The following GRID2 variants were observed in gnomAD, a reference collection of about 807,000 sequenced individuals.
GRID2 encodes the protein glutamate ionotropic receptor delta type subunit 2.
Under a neutral mutation model 114.8 loss-of-function variants are expected in GRID2, and 33 were observed. The observed-to-expected ratio is 0.29, with a 90% CI of 0.22 to 0.38. GRID2 has a LOEUF of 0.38. GRID2 is among the 10% of genes least tolerant of loss of function. The pLI is 1.00. For synonymous variants in GRID2, 505 were observed against 449.9 expected (o/e 1.12, Z -1.55); for missense variants, 1,184 against 1,257.7 (o/e 0.94, Z 0.89).
rs142260637 is a variant in GRID2 at position 92,502,481 on chromosome 4, CAT to C, written c.89-87648_89-87647del. 3.6e-3 allele frequency among the ~76,000 whole-genome samples: 543 copies of C among 151,910 alleles called. 19 individuals are homozygous for C. In the East Asian group the frequency reaches 0.085, roughly 24 times the overall value. ...TTCAAGGTAGTTTGATTAAATATAACATAAATACATGCAACTACATGATACAT... is the reference window on the plus strand; with the variant it reads ...TTCAAGGTAGTTTGATTAAATATAACAAATACATGCAACTACATGATACAT... On this transcript the variant is annotated intron_variant, in intron 1 of 15. Coordinates refer to ENST00000282020, the MANE Select transcript of GRID2 (RefSeq NM_001510.4).
intron 1 of GRID2, among the ~76,000 whole-genome samples, chr4:92,467,749 GA>G (rs1417345321): frequency 2.6e-5 from 4 of 151,784 alleles, no homozygotes; most frequent in African/African-American, 9.7e-5. Flanking sequence ...ACATGTTATG[GA>G]AAAAAATAAT....
intron 2 of GRID2, among the ~76,000 whole-genome samples, chr4:92,995,165 C>T (rs1409369553): frequency 1.3e-5 from 2 of 152,112 alleles, no homozygotes; most frequent in African/African-American, 4.8e-5. Flanking sequence ...ACATTTCTTC[C>T]TTCTCAGTGT....
intron 13 of GRID2, among the ~76,000 whole-genome samples, chr4:93,607,980 T>C (rs1349341934): frequency 2.0e-5 from 3 of 151,580 alleles, no homozygotes; most frequent in Non-Finnish European, 1.5e-5. Flanking sequence ...GCTTTGTGAA[T>C]GGTGTTTTTT....
rs143652383 is a variant in GRID2, at chr4:92,856,918, C to T, written c.245-228077C>T. On this transcript the variant is annotated intron_variant, in intron 2 of 15. Transcript: ENST00000282020. ...TGTCAGTACGTTTTAACAATGAACA[C>T]GTGCTTACTTCATGTCTCTGTGTTA... Among the ~76,000 whole-genome samples the T allele has an allele frequency of 3.2e-3, 493 of 152,182 alleles. 9 individuals carry two copies. Among genetic ancestry groups the T allele is most frequent in the Non-Finnish European group, 5.1e-4 (35 of 68,004 alleles).
chr4:92,458,955 A>C (rs1721345432), intron 1 of GRID2, among the ~76,000 whole-genome samples: 1 of 152,194 alleles, frequency 6.6e-6, no homozygotes, highest in African/African-American at 2.4e-5. Context: ...ACAGGAGATG[A>C]ATGCAAGTTG....
In GRID2 at chr4:92,429,827, G is replaced by A. The variant is rs138530378; in HGVS notation, c.88+125083G>A. On this transcript the variant is annotated intron_variant, in intron 1 of 15. Transcript: ENST00000282020. ...GAGGGAGATGATAGATCATTGTAGTGTTGATTTGCATTTCCTTGATGATCA... is the reference window on the plus strand; with the variant it reads ...GAGGGAGATGATAGATCATTGTAGTATTGATTTGCATTTCCTTGATGATCA... 2.6e-3 allele frequency among the ~76,000 whole-genome samples: 403 copies of A among 152,182 alleles called. 4 individuals carry two copies. The highest frequency in any genetic ancestry group is 4.1e-3 in the Non-Finnish European group (277 of 67,960).
rs370314850 is a variant in GRID2, at chr4:92,467,717, G to A, written c.89-122414G>A. 4.2e-4 allele frequency among the ~76,000 whole-genome samples: 64 copies of A among 151,894 alleles called. No homozygotes were observed. In the East Asian group the frequency reaches 8.5e-3, roughly 20 times the overall value. ...CAAATTAAGGTGCTGTAACTTGAACGAACACTCAAATTAATGTGTACACAT... is the reference window on the plus strand; with the variant it reads ...CAAATTAAGGTGCTGTAACTTGAACAAACACTCAAATTAATGTGTACACAT... On this transcript the variant is annotated intron_variant, in intron 1 of 15. Coordinates refer to ENST00000282020, the MANE Select transcript of GRID2 (RefSeq NM_001510.4).
downstream of GRID2, among the ~76,000 whole-genome samples, chr4:93,779,119 T>C (rs756547356): frequency 2.8e-4 from 43 of 152,126 alleles, no homozygotes; most frequent in Admixed American, 1.3e-3. Context: ...CAATCACCAA[T>C]CATGAATATT....
At chr4:92,596,651 A>G (rs918208064) in intron 2 of GRID2, among the ~76,000 whole-genome samples, 1 of 152,008 alleles carries the variant, frequency 6.6e-6, no homozygotes, top group African/African-American at 2.4e-5. Context: ...GTATTAAAGG[A>G]CAAATAATTC....
At chr4:92,788,012 G>A (rs1739403446) in intron 2 of GRID2, among the ~76,000 whole-genome samples, 1 of 151,744 alleles carries the variant, frequency 6.6e-6, no homozygotes, top group Non-Finnish European at 1.5e-5. Context: ...CAATGTAAGA[G>A]TTAAATATAT....
chr4:92,596,878 A>G (rs140134912), intron 2 of GRID2, among the ~76,000 whole-genome samples: 114 of 152,190 alleles, frequency 7.5e-4, no homozygotes, highest in African/African-American at 2.4e-3. Flanking sequence ...TAACCAAAAA[A>G]CAAAAGAACA....
At chr4:92,658,714 C>T (rs62309215) in intron 2 of GRID2, among the ~76,000 whole-genome samples, 8,831 of 150,392 alleles carry the variant, frequency 0.059, 338 homozygotes, top group East Asian at 0.16. Flanking sequence ...AGAATGCTTA[C>T]TCATTTACAC....
At chr4:92,720,394 C>T (rs1392852774) in intron 2 of GRID2, among the ~76,000 whole-genome samples, 1 of 151,930 alleles carries the variant, frequency 6.6e-6, no homozygotes, top group Non-Finnish European at 1.5e-5. Flanking sequence ...CTATTTAAAA[C>T]ATTAAGAAAT....
chr4:92,556,712 T>C (rs913453917), intron 1 of GRID2, among the ~76,000 whole-genome samples: 8 of 152,142 alleles, frequency 5.3e-5, no homozygotes, highest in Admixed American at 5.2e-4. Flanking sequence ...TTCAAGTTTT[T>C]GACATCTGCT....
intron 1 of GRID2, among the ~76,000 whole-genome samples, chr4:92,515,152 T>G: frequency 6.6e-6 from 1 of 151,904 alleles, no homozygotes; most frequent in East Asian, 1.9e-4. Context: ...ATACTTCATT[T>G]GTAGTTTTTA....
At chr4:92,816,318 C>CAAAAAAAAAAAAAAAAAA (rs764487348) in intron 2 of GRID2, among the ~76,000 whole-genome samples, 1 of 48,260 alleles carries the variant, frequency 2.1e-5, no homozygotes. Context: ...TCTGTCTCAC[C>CAAAAAAAAAAAAAAAAAA]AAAAAAAAAA....
intron 1 of GRID2, among the ~76,000 whole-genome samples, chr4:92,579,744 A>C (rs1283427739): frequency 6.6e-6 from 1 of 151,624 alleles, no homozygotes; most frequent in Admixed American, 6.6e-5. Context: ...AGTATGAATA[A>C]AACTTACAGT....
intron 4 of GRID2, among the ~76,000 whole-genome samples, chr4:93,158,002 A>C (rs1279919762): frequency 6.6e-6 from 1 of 151,886 alleles, no homozygotes; most frequent in African/African-American, 2.4e-5. Flanking sequence ...TTGCACATGT[A>C]GTGTTATTTT....
chr4:92,876,584 C>T (rs1439862432), intron 2 of GRID2, among the ~76,000 whole-genome samples: 1 of 152,106 alleles, frequency 6.6e-6, no homozygotes, highest in Non-Finnish European at 1.5e-5. Flanking sequence ...GGATTACAGG[C>T]GTGAGCCACC....
Sources: allele counts gnomAD v4.1 joint callset (sites outside exome capture counted in the v4.1 genomes callset), GRCh38; gene constraint gnomAD v4.1.1; transcripts MANE v1.5; gene names NCBI Gene and HGNC (gene_info 2026-07-23, HGNC 2026-07-21).